The following ERBB4 variants were observed in gnomAD, a reference collection of about 807,000 sequenced individuals.
ERBB4 encodes erb-b2 receptor tyrosine kinase 4, also known as receptor tyrosine-protein kinase erbB-4.
ERBB4 carries 42 observed loss-of-function variants against 158.0 expected under a neutral mutation model. That is an observed-to-expected ratio of 0.27 (90% CI 0.21 to 0.34). The LOEUF (loss-of-function observed/expected upper bound fraction) is 0.34, where lower values mean the gene tolerates loss of function less well. Among genes scored for constraint, ERBB4 ranks in the 10% least tolerant of loss-of-function variants. The pLI, the probability that ERBB4 is intolerant of heterozygous loss-of-function variation, is 1.00. For missense variants in ERBB4, 1,333 were observed against 1,624.1 expected, an observed-to-expected ratio of 0.82 and a Z score of 3.08; for synonymous variants, 583 against 558.7, an observed-to-expected ratio of 1.04 and a Z score of -0.61.
chr2:212,204,617 A>G (rs1348060375), intron 1 of ERBB4, among the ~76,000 whole-genome samples: 1 of 151,618 alleles, frequency 6.6e-6, no homozygotes, highest in African/African-American at 2.4e-5. Flanking sequence ...GAATTGCGTG[A>G]ACCTTGGAGG....
intron 19 of ERBB4, among the ~76,000 whole-genome samples, chr2:211,580,888 T>C (rs748015292): frequency 0.19 from 1,132 of 5,834 alleles, 322 homozygotes; most frequent in African/African-American, 0.45. Context: ...TATATATATA[T>C]ATATATATAT....
chr2:212,448,607 A>C (rs1159599223), intron 1 of ERBB4, among the ~76,000 whole-genome samples: 1 of 152,150 alleles, frequency 6.6e-6, no homozygotes, highest in Non-Finnish European at 1.5e-5. Context: ...TGAAAGAAAG[A>C]AGCAGCAGCT....
rs768289370 is a variant in ERBB4 at position 211,413,305 on chromosome 2, T to TAAAAAAAAAAA, written c.3135+7135_3135+7136insTTTTTTTTTTT. Among the ~76,000 whole-genome samples, 36 of 56,944 alleles carry TAAAAAAAAAAA rather than the reference T, an allele frequency of 6.3e-4. 2 individuals carry two copies. The highest frequency in any genetic ancestry group is 1.3e-3 in the African/African-American group (18 of 13,496). 37.4% of individuals were successfully genotyped at this position (56,944 alleles called of 152,430 possible). On this transcript the variant is annotated intron_variant, in intron 25 of 27. Transcript: ENST00000342788. Reference sequence around the variant, plus strand: ...TTGGGGACAGAGAGAGACCCTGTCTTAAAAACACACACACACACACACACA... The same window carrying TAAAAAAAAAAA: ...TTGGGGACAGAGAGAGACCCTGTCTTAAAAAAAAAAAAAAAACACACACACACACACACACA...
At chr2:211,919,302 T>C (rs1014854875) in intron 3 of ERBB4, among the ~76,000 whole-genome samples, 3 of 152,094 alleles carry the variant, frequency 2.0e-5, no homozygotes, top group African/African-American at 7.2e-5. Flanking sequence ...GTGGATAAAG[T>C]GTTCTTCCAT....
At position 211,545,062 on chromosome 2, in the gene ERBB4, A is replaced by G. The variant is rs116083452; in HGVS notation, c.2487+16841T>C. Among the ~76,000 whole-genome samples the G allele has an allele frequency of 5.0e-3, 762 of 152,162 alleles. 14 individuals carry two copies. The highest frequency in any genetic ancestry group is 7.0e-3 in the Non-Finnish European group (476 of 67,992). The stretch of plus-strand genomic sequence containing the variant: ...TACACTCTTGATTTAGAGACTTCCC[A>G]TATTCTAGACTGGCCCTACATTCTT... On this transcript the variant is annotated intron_variant, in intron 20 of 27. Coordinates refer to ENST00000342788, the MANE Select transcript of ERBB4 (RefSeq NM_005235.3).
intron 3 of ERBB4, among the ~76,000 whole-genome samples, chr2:211,887,787 C>T (rs1293568221): frequency 6.6e-6 from 1 of 152,106 alleles, no homozygotes; most frequent in Non-Finnish European, 1.5e-5. Context: ...TGTTTATTGT[C>T]GGTCTGCCTC....
At chr2:211,938,403 T>C (rs779313706) in intron 3 of ERBB4, among the ~76,000 whole-genome samples, 6 of 152,198 alleles carry the variant, frequency 3.9e-5, no homozygotes, top group Non-Finnish European at 7.3e-5. Context: ...CCTTGCCTGC[T>C]GGATTGGATT....
intron 2 of ERBB4, among the ~76,000 whole-genome samples, chr2:211,970,492 T>C (rs570419858): frequency 5.9e-5 from 9 of 152,304 alleles, no homozygotes; most frequent in Non-Finnish European, 1.0e-4. Context: ...AGTCTCCCAC[T>C]ATTATTGTGT....
intron 3 of ERBB4, among the ~76,000 whole-genome samples, chr2:211,833,625 T>C (rs1290190305): frequency 2.0e-5 from 3 of 151,940 alleles, no homozygotes; most frequent in Admixed American, 6.6e-5. Flanking sequence ...AGAAAAGATA[T>C]GAATTTGGAT....
intron 2 of ERBB4, among the ~76,000 whole-genome samples, chr2:212,023,322 A>G (rs934913857): frequency 1.3e-5 from 2 of 152,032 alleles, no homozygotes; most frequent in African/African-American, 4.8e-5. Context: ...CAGTTCTGCA[A>G]TTCTGTGATC....
intron 3 of ERBB4, among the ~76,000 whole-genome samples, chr2:211,872,510 T>C (rs907085639): frequency 6.6e-6 from 1 of 152,160 alleles, no homozygotes; most frequent in Admixed American, 6.6e-5. Context: ...ATCCCCTCAG[T>C]TTACAGATAA....
At chr2:212,414,075 C>T (rs1161307495) in intron 1 of ERBB4, among the ~76,000 whole-genome samples, 3 of 152,150 alleles carry the variant, frequency 2.0e-5, no homozygotes, top group African/African-American at 7.2e-5. Context: ...AGTGGTTATA[C>T]TGAACTCTTA....
chr2:211,837,831 G>C (rs531243250), intron 3 of ERBB4, among the ~76,000 whole-genome samples: 20 of 152,128 alleles, frequency 1.3e-4, no homozygotes, highest in African/African-American at 4.8e-4. Context: ...TATTATACAG[G>C]GTAGCAAATA....
chr2:212,401,350 A>G (rs1423284511), intron 1 of ERBB4, among the ~76,000 whole-genome samples: 1 of 152,194 alleles, frequency 6.6e-6, no homozygotes, highest in African/African-American at 2.4e-5. Flanking sequence ...ATAAAACCCA[A>G]TATAAATAGA....
intron 3 of ERBB4, among the ~76,000 whole-genome samples, chr2:211,815,692 G>A (rs1276024617): frequency 6.6e-6 from 1 of 152,218 alleles, no homozygotes; most frequent in Non-Finnish European, 1.5e-5. Context: ...ATGAAGCATT[G>A]TTCTTGGGTA....
chr2:212,010,131 C>T (rs2076349954), intron 2 of ERBB4, among the ~76,000 whole-genome samples: 1 of 152,124 alleles, frequency 6.6e-6, no homozygotes, highest in African/African-American at 2.4e-5. Context: ...TGTTAAGTGC[C>T]TCCTTGTTGC....
In ERBB4 at chr2:212,124,784, T is replaced by C. The variant is rs756903297; in HGVS notation, c.202A>G (p.Ile68Val). 2.5e-6 allele frequency: 4 copies of C among 1,614,176 alleles called. No homozygotes were observed. The South Asian group carries it at 3.3e-5, about 13-fold the overall frequency. ...AAGGAGAGGTCCCGGTTGTGCTCAATGCTGGTTATCTCCAGGTTGCCCATG... is the reference window on the plus strand; with the variant it reads ...AAGGAGAGGTCCCGGTTGTGCTCAACGCTGGTTATCTCCAGGTTGCCCATG... The part of the protein sequence containing the change: ...VVMGNLEITS[I>V]EHNRDLSFLR... The change falls in exon 2 of 28, where the codon ATT (isoleucine) becomes GTT (valine). Residue 68 changes from isoleucine to valine, a missense_variant. Around this residue, in one of 5 missense-constraint regions of ERBB4, gnomAD observed 438 missense variants for 586.9 expected, o/e 0.75. Transcript: ENST00000342788.
At chr2:211,540,980 G>C (rs1356651182) in intron 20 of ERBB4, among the ~76,000 whole-genome samples, 1 of 151,902 alleles carries the variant, frequency 6.6e-6, no homozygotes, top group Non-Finnish European at 1.5e-5. Context: ...TGTTAAGTGA[G>C]GGCTGACTGT....
At chr2:212,216,804 T>C (rs2083113579) in intron 1 of ERBB4, among the ~76,000 whole-genome samples, 1 of 151,376 alleles carries the variant, frequency 6.6e-6, no homozygotes, top group Non-Finnish European at 1.5e-5. Flanking sequence ...CCACAGCATT[T>C]ATAAAATTCT....
Sources: allele counts gnomAD v4.1 joint callset (sites outside exome capture counted in the v4.1 genomes callset), GRCh38; gene constraint gnomAD v4.1.1; regional missense constraint gnomAD v4.1.1; transcripts MANE v1.5; gene names NCBI Gene and HGNC (gene_info 2026-07-23, HGNC 2026-07-21).